GLI3: variants seen among roughly 807,000 people sequenced by gnomAD.
GLI3 encodes the protein GLI family zinc finger 3, also known as transcription activator GLI3.
GLI3 carries 20 observed loss-of-function variants against 100.8 expected under a neutral mutation model. The ratio of observed to expected loss-of-function variants is 0.20; its 90% CI spans 0.14 to 0.29. The LOEUF is 0.29. Ranked by LOEUF, GLI3 falls within the 10% of genes least tolerant of loss-of-function variation. The pLI is 1.00. For missense variants in GLI3, 2,040 were observed against 2,128.5 expected (o/e 0.96, Z 0.82); for synonymous variants, 938 against 860.5 (o/e 1.09, Z -1.58).
At chr7:42,185,466 C>T (rs576993682) in intron 2 of GLI3, among the ~76,000 whole-genome samples, 3 of 152,326 alleles carry the variant, frequency 2.0e-5, no homozygotes, top group Non-Finnish European at 4.4e-5. Flanking sequence ...TCCACACGCT[C>T]TTCAAGCCAC....
At chr7:41,970,255 T>C (rs1305127852) in intron 13 of GLI3, among the ~76,000 whole-genome samples, 3 of 152,152 alleles carry the variant, frequency 2.0e-5, no homozygotes, top group African/African-American at 7.2e-5. Context: ...AAGAATTTAA[T>C]TTATAGCATG....
chr7:42,197,193 G>A (rs1017876096), intron 2 of GLI3, among the ~76,000 whole-genome samples: 2 of 152,028 alleles, frequency 1.3e-5, no homozygotes, highest in South Asian at 2.1e-4. Context: ...AAGTTTAATC[G>A]GCTTTTCCCA....
chr7:42,034,934 C>T (rs1304432603), intron 7 of GLI3, among the ~76,000 whole-genome samples: 1 of 152,092 alleles, frequency 6.6e-6, no homozygotes, highest in African/African-American at 2.4e-5. Context: ...GTGTAGCCCC[C>T]ATTCCCCCAG....
chr7:42,036,247 T>C (rs1248994535), intron 7 of GLI3, among the ~76,000 whole-genome samples: 1 of 152,238 alleles, frequency 6.6e-6, no homozygotes, highest in African/African-American at 2.4e-5. Flanking sequence ...TGTAATAATA[T>C]AACACTCATA....
chr7:42,098,234 A>G (rs1390181627), intron 3 of GLI3, among the ~76,000 whole-genome samples: 2 of 152,076 alleles, frequency 1.3e-5, no homozygotes. Flanking sequence ...CACGCTGAAC[A>G]AATTCTCATT....
Position 42,148,408 on chromosome 7 carries a change from G to T in GLI3, c.185C>A (p.Pro62Gln), listed in dbSNP as rs1237875843. ...RERRNAITMQPQNVQGLSKVS... is the reference protein window; with the variant it reads ...RERRNAITMQQQNVQGLSKVS... ...TTTGCTGAGCCCCTGGACATTCTGT[G>T]GCTGCATAGTGATTGCGTTTCTTCT... Residue 62 changes from proline to glutamine, a missense_variant, in exon 3 of 15, where the codon CCA becomes CAA. Physicochemically the swap from Pro to Gln is moderately conservative, Grantham distance 76. Around this residue, in one of 5 missense-constraint regions of GLI3, gnomAD observed 603 missense variants for 690.9 expected, o/e 0.87. Transcript: ENST00000395925. The T allele has an allele frequency of 6.2e-7, 1 of 1,613,704 alleles. No individual in the cohort carries two copies. The highest frequency in any genetic ancestry group is 1.7e-5 in the Admixed American group (1 of 60,012).
chr7:42,014,547 C>A (rs1268630567), intron 10 of GLI3, among the ~76,000 whole-genome samples: 1 of 152,192 alleles, frequency 6.6e-6, no homozygotes, highest in African/African-American at 2.4e-5. Context: ...ATCCCCAATG[C>A]CTTTCTGCAA....
At chr7:42,113,368 C>T in intron 3 of GLI3, 1 of 677,188 alleles carries the variant, frequency 1.5e-6, no homozygotes, top group Non-Finnish European at 2.7e-6. Context: ...TGCCAGCATG[C>T]CCAAGAGAAA....
At chr7:41,977,997 T>C in intron 11 of GLI3, 3 of 501,002 alleles carry the variant, frequency 6.0e-6, no homozygotes, top group South Asian at 2.1e-5. Flanking sequence ...ATCTGCTCAT[T>C]GATCTCCTCA....
intron 2 of GLI3, among the ~76,000 whole-genome samples, chr7:42,203,406 A>G (rs1788085122): frequency 6.6e-6 from 1 of 152,060 alleles, no homozygotes; most frequent in Non-Finnish European, 1.5e-5. Flanking sequence ...CAAGTGCCCC[A>G]TCCTCTGGTT....
chr7:42,042,632 G>C (rs1428098904), intron 6 of GLI3, among the ~76,000 whole-genome samples: 1 of 152,150 alleles, frequency 6.6e-6, no homozygotes, highest in African/African-American at 2.4e-5. Context: ...TGATGCAAAA[G>C]GAAGAAGCCC....
chr7:42,078,472 C>A (rs1784927273), intron 3 of GLI3, among the ~76,000 whole-genome samples: 1 of 152,062 alleles, frequency 6.6e-6, no homozygotes, highest in Non-Finnish European at 1.5e-5. Context: ...AGGGAAGGAC[C>A]CGAGGCTGTA....
intron 3 of GLI3, among the ~76,000 whole-genome samples, chr7:42,145,103 T>C (rs965168178): frequency 1.7e-4 from 26 of 152,346 alleles, no homozygotes; most frequent in African/African-American, 6.3e-4. Context: ...ATTTATCACC[T>C]TCAATTCACA....
At chr7:42,158,849 G>A (rs1489113239) in intron 2 of GLI3, among the ~76,000 whole-genome samples, 2 of 152,134 alleles carry the variant, frequency 1.3e-5, no homozygotes, top group Admixed American at 1.3e-4. Flanking sequence ...AGGCCGTCAG[G>A]AAGAATACTA....
At chr7:42,170,554 C>T (rs1787350425) in intron 2 of GLI3, among the ~76,000 whole-genome samples, 1 of 151,552 alleles carries the variant, frequency 6.6e-6, no homozygotes, top group Non-Finnish European at 1.5e-5. Context: ...AGGTGCCTGC[C>T]ACCACACCCA....
At chr7:42,227,880 A>G (rs899456594) in intron 1 of GLI3, among the ~76,000 whole-genome samples, 26 of 152,200 alleles carry the variant, frequency 1.7e-4, no homozygotes, top group African/African-American at 5.1e-4. Flanking sequence ...TACAAAGGCG[A>G]GTCCCCATTG....
intron 3 of GLI3, among the ~76,000 whole-genome samples, chr7:42,147,374 C>G (rs1169692532): frequency 6.6e-6 from 1 of 152,216 alleles, no homozygotes; most frequent in Admixed American, 6.5e-5. Context: ...CAGTCCCCCT[C>G]ACTGGAGCTC....
intron 3 of GLI3, among the ~76,000 whole-genome samples, chr7:42,143,537 A>C (rs1362696430): frequency 6.6e-6 from 1 of 152,238 alleles, no homozygotes; most frequent in East Asian, 1.9e-4. Context: ...GGGATGTGGA[A>C]AGTCACCTAA....
chr7:42,177,337 A>C (rs1175525107), intron 2 of GLI3, among the ~76,000 whole-genome samples: 1 of 152,172 alleles, frequency 6.6e-6, no homozygotes, highest in Non-Finnish European at 1.5e-5. Context: ...AGAGGACTGT[A>C]ACTTCAAATA....
Sources: allele counts gnomAD v4.1 joint callset (sites outside exome capture counted in the v4.1 genomes callset), GRCh38; gene constraint gnomAD v4.1.1; regional missense constraint gnomAD v4.1.1; transcripts MANE v1.5; gene names NCBI Gene and HGNC (gene_info 2026-07-23, HGNC 2026-07-21).